ACTR2: variants seen among roughly 807,000 people sequenced by gnomAD.
ACTR2 encodes actin related protein 2.
ACTR2 carries 5 observed loss-of-function variants against 50.2 expected under a neutral mutation model. The observed-to-expected ratio is 0.10, with a 90% CI of 0.05 to 0.21. The LOEUF (loss-of-function observed/expected upper bound fraction) is 0.21, where lower values mean the gene tolerates loss of function less well. Ranked by LOEUF, ACTR2 falls within the 10% of genes least tolerant of loss-of-function variation. The pLI, the probability that ACTR2 is intolerant of heterozygous loss-of-function variation, is 1.00. For missense variants in ACTR2, 180 were observed against 480.6 expected (o/e 0.37, Z 5.85); for synonymous variants, 140 against 162.9 (o/e 0.86, Z 1.07).
chr2:65,243,024 T>C (rs1041487762), intron 2 of ACTR2, among the ~76,000 whole-genome samples: 1 of 152,220 alleles, frequency 6.6e-6, no homozygotes, highest in Non-Finnish European at 1.5e-5. Context: ...CTTGTGCCTG[T>C]ACTCCCAGCA....
intron 5 of ACTR2, 138 bp downstream of exon 5, chr2:65,254,002 A>G: frequency 3.0e-6 from 2 of 656,204 alleles, no homozygotes; most frequent in East Asian, 2.9e-5. Context: ...CCTTATTTAT[A>G]TAAAAATTCA....
At chr2:65,248,991 C>T (rs574099842) in intron 3 of ACTR2, among the ~76,000 whole-genome samples, 5 of 151,088 alleles carry the variant, frequency 3.3e-5, no homozygotes, top group Middle Eastern at 6.9e-3. Flanking sequence ...CCAACCTGAG[C>T]GACAGAGCGA....
chr2:65,265,936 CATT>C (rs894801519), intron 8 of ACTR2, among the ~76,000 whole-genome samples: 3 of 152,152 alleles, frequency 2.0e-5, no homozygotes, highest in Admixed American at 6.5e-5. Context: ...ATATATGACT[CATT>C]GTTGAAATTA....
At chr2:65,257,758 T>TCG (rs756799746) in intron 6 of ACTR2, among the ~76,000 whole-genome samples, 6 of 152,236 alleles carry the variant, frequency 3.9e-5, no homozygotes, top group Non-Finnish European at 7.3e-5. Context: ...AAGTGTCTGT[T>TCG]CGTATCCTTT....
chr2:65,241,224 G>C (rs1421438883), intron 2 of ACTR2, among the ~76,000 whole-genome samples: 2 of 152,146 alleles, frequency 1.3e-5, no homozygotes, highest in African/African-American at 4.8e-5. Context: ...AGGATAAACT[G>C]TTTAATGAAG....
intron 1 of ACTR2, among the ~76,000 whole-genome samples, chr2:65,236,940 A>T (rs1013533838): frequency 2.2e-4 from 33 of 152,170 alleles, no homozygotes; most frequent in African/African-American, 7.7e-4. Flanking sequence ...TAATTCTAAG[A>T]ATGTGTGGTG....
chr2:65,242,575 AAG>A (rs1387102355), intron 2 of ACTR2: 2 of 456,400 alleles, frequency 4.4e-6, no homozygotes, highest in African/African-American at 2.0e-5. Flanking sequence ...TAGATAGAAA[AAG>A]AGAATTCTTT....
chr2:65,254,207 A>G (rs538099279), intron 5 of ACTR2, among the ~76,000 whole-genome samples: 1 of 152,304 alleles, frequency 6.6e-6, no homozygotes, highest in Non-Finnish European at 1.5e-5. Context: ...TGGACAGCTC[A>G]GGCAGCCTTT....
intron 8 of ACTR2, among the ~76,000 whole-genome samples, chr2:65,266,665 GCATAGAGAGA>G (rs1672377615): frequency 6.6e-6 from 1 of 152,104 alleles, no homozygotes; most frequent in Non-Finnish European, 1.5e-5. Flanking sequence ...ACAAAGGTGG[GCATAGAGAGA>G]CCAGTTAGGA....
chr2:65,257,773 A>G (rs1354400745), intron 6 of ACTR2, among the ~76,000 whole-genome samples: 20 of 152,124 alleles, frequency 1.3e-4, no homozygotes, highest in Non-Finnish European at 1.5e-5. Flanking sequence ...TCCTTTGCCC[A>G]CTTTTTCATG....
chr2:65,249,031 GA>G (rs67899013), intron 3 of ACTR2, among the ~76,000 whole-genome samples: 6,049 of 143,686 alleles, frequency 0.042, 187 homozygotes, highest in South Asian at 0.071. Context: ...AAAAGAAAAA[GA>G]AAAAAAAAGT....
intron 3 of ACTR2, among the ~76,000 whole-genome samples, chr2:65,248,321 A>ATTCTCTG (rs1232180866): frequency 8.5e-4 from 130 of 152,098 alleles, no homozygotes; most frequent in African/African-American, 3.1e-3. Flanking sequence ...AATCGCTTGA[A>ATTCTCTG]CCCAGGAGGC....
intron 1 of ACTR2, among the ~76,000 whole-genome samples, chr2:65,234,437 T>C (rs1163479074): frequency 6.6e-6 from 1 of 152,180 alleles, no homozygotes; most frequent in East Asian, 1.9e-4. Context: ...TTTTTTTTGT[T>C]AGGCAGTAAT....
At chr2:65,263,465 C>T (rs1672314766) in intron 7 of ACTR2, among the ~76,000 whole-genome samples, 1 of 152,138 alleles carries the variant, frequency 6.6e-6, no homozygotes, top group Non-Finnish European at 1.5e-5. Context: ...TCTCTACACT[C>T]AGGTTATAGA....
chr2:65,251,201 A>G (rs1672042823), intron 4 of ACTR2, 102 bp downstream of exon 4: 2 of 645,528 alleles, frequency 3.1e-6, no homozygotes, highest in Non-Finnish European at 2.6e-6. Flanking sequence ...AAGCCCCAGA[A>G]AACTACATTA....
chr2:65,236,292 C>T (rs1018045956), intron 1 of ACTR2, among the ~76,000 whole-genome samples: 5 of 150,000 alleles, frequency 3.3e-5, no homozygotes, highest in Non-Finnish European at 5.9e-5. Context: ...GCTGCGATGA[C>T]GTCACTGCAC....
chr2:65,234,337 A>G, intron 1 of ACTR2, among the ~76,000 whole-genome samples: 1 of 152,214 alleles, frequency 6.6e-6, no homozygotes, highest in Admixed American at 6.6e-5. Flanking sequence ...GCTGAGTTCT[A>G]TGGCAACATC....
chr2:65,253,869 G>A lies in ACTR2; in HGVS notation c.585+5G>A, dbSNP rs1161206262. On this transcript the variant is annotated splice_donor_5th_base_variant and intron_variant, in intron 5 of 8. Coordinates refer to ENST00000260641, the MANE Select transcript of ACTR2 (RefSeq NM_005722.4). ...ATAACTAGATATCTTATCAAGGTAA[G>A]TGAAAGGAAAATATCATGGAAATTA... 2.5e-6 allele frequency: 4 copies of A among 1,607,036 alleles called. No homozygotes were observed. Among genetic ancestry groups the A allele is most frequent in the South Asian group, 1.1e-5 (1 of 90,460 alleles).
intron 6 of ACTR2, among the ~76,000 whole-genome samples, chr2:65,258,403 C>T (rs1361349414): frequency 1.3e-5 from 2 of 151,948 alleles, no homozygotes; most frequent in African/African-American, 4.8e-5. Flanking sequence ...TAATGAGACC[C>T]TGTCTCTACA....
Sources: gnomAD v4.1 joint callset for allele counts (sites outside exome capture counted in the v4.1 genomes callset) on GRCh38, gnomAD v4.1.1 for gene constraint, MANE v1.5 for transcripts, NCBI Gene and HGNC (gene_info 2026-07-23, HGNC 2026-07-21) for gene names.